PPP2R2C: variants seen among roughly 807,000 people sequenced by gnomAD.
The protein encoded by PPP2R2C is protein phosphatase 2 regulatory subunit Bgamma, also known as protein phosphatase 2, regulatory subunit B, gamma.
Under a neutral mutation model 45.3 loss-of-function variants are expected in PPP2R2C, and 10 were observed. The observed-to-expected ratio is 0.22, with a 90% confidence interval of 0.14 to 0.37. The LOEUF (loss-of-function observed/expected upper bound fraction) is 0.37, where lower values mean the gene tolerates loss of function less well. Among genes scored for constraint, PPP2R2C ranks in the 10% least tolerant of loss-of-function variants. PPP2R2C has a pLI of 1.00. For missense variants in PPP2R2C, 308 were observed against 619.7 expected (o/e 0.50, Z 5.34); for synonymous variants, 257 against 245.4 (o/e 1.05, Z -0.44).
At chr4:6,521,826 C>T (rs1560600775) in intron 2 of PPP2R2C, among the ~76,000 whole-genome samples, 1 of 152,190 alleles carries the variant, frequency 6.6e-6, no homozygotes, top group East Asian at 1.9e-4. Flanking sequence ...TATTGCTACC[C>T]TCATATTACA....
At chr4:6,540,507 G>A (rs1175032848) in intron 1 of PPP2R2C, among the ~76,000 whole-genome samples, 1 of 152,168 alleles carries the variant, frequency 6.6e-6, no homozygotes, top group Non-Finnish European at 1.5e-5. Context: ...TTCATTTTTG[G>A]CTACTATGAA....
intron 2 of PPP2R2C, among the ~76,000 whole-genome samples, chr4:6,532,488 T>C (rs1005445450): frequency 6.6e-6 from 1 of 152,184 alleles, no homozygotes; most frequent in Non-Finnish European, 1.5e-5. Flanking sequence ...GCAGAACTCA[T>C]GGGCAGCAGC....
intron 2 of PPP2R2C, among the ~76,000 whole-genome samples, chr4:6,504,425 T>C (rs1723155565): frequency 6.6e-6 from 1 of 151,572 alleles, no homozygotes; most frequent in African/African-American, 2.4e-5. Flanking sequence ...AAATCAAAAT[T>C]AATTGATGTA....
At chr4:6,448,489 A>C (rs1577190756) in intron 1 of PPP2R2C, among the ~76,000 whole-genome samples, 1 of 152,100 alleles carries the variant, frequency 6.6e-6, no homozygotes, top group Admixed American at 6.5e-5. Context: ...AGCGGCTCCC[A>C]GGCAGACCCT....
intron 6 of PPP2R2C, among the ~76,000 whole-genome samples, chr4:6,338,766 G>T (rs938145352): frequency 6.6e-6 from 1 of 152,088 alleles, no homozygotes; most frequent in Non-Finnish European, 1.5e-5. Flanking sequence ...CTGGGGGTGG[G>T]TGTCTCCTCA....
At chr4:6,359,546 G>A (rs935638559) in intron 5 of PPP2R2C, among the ~76,000 whole-genome samples, 2 of 151,210 alleles carry the variant, frequency 1.3e-5, no homozygotes, top group African/African-American at 4.9e-5. Context: ...AATATTTCGG[G>A]TATATTTAGT....
At chr4:6,455,781 C>A (rs781655742) in intron 1 of PPP2R2C, among the ~76,000 whole-genome samples, 1 of 152,222 alleles carries the variant, frequency 6.6e-6, no homozygotes, top group Non-Finnish European at 1.5e-5. Flanking sequence ...ACCCTGAACA[C>A]ACCACGCCGT....
intron 1 of PPP2R2C, chr4:6,413,895 C>G (rs1303802267): frequency 6.5e-7 from 1 of 1,536,130 alleles, no homozygotes; most frequent in South Asian, 1.2e-5. Context: ...CCCACAGCCC[C>G]TGCTCACCCG....
At position 6,329,698 on chromosome 4, in the gene PPP2R2C, A is replaced by T; in HGVS notation, c.961-345T>A. On this transcript the variant is annotated intron_variant, in intron 7 of 8. Coordinates refer to ENST00000382599, the MANE Select transcript of PPP2R2C (RefSeq NM_020416.4). This position sits in a 1 kb window ranked among gnomAD's most constrained non-coding sequence, Gnocchi z 5.8. ...TCTTATCGGGGGCCCACGACCAGGC[A>T]CACGGCTGACCTCTGAGCTGTGGCC... is the stretch of plus-strand genomic sequence containing the variant. 6.6e-6 allele frequency among the ~76,000 whole-genome samples: 1 copy of T among 151,846 alleles called. No homozygotes were observed. Among genetic ancestry groups the T allele is most frequent in the African/African-American group, 2.4e-5 (1 of 41,210 alleles).
At chr4:6,407,379 A>G (rs1414142426) in intron 1 of PPP2R2C, among the ~76,000 whole-genome samples, 4 of 152,152 alleles carry the variant, frequency 2.6e-5, no homozygotes. Flanking sequence ...ATTTATTGCT[A>G]GAAACCCAAC....
chr4:6,414,390 C>T (rs371878765), intron 1 of PPP2R2C, among the ~76,000 whole-genome samples: 1 of 152,076 alleles, frequency 6.6e-6, no homozygotes, highest in South Asian at 2.1e-4. Context: ...AAAGAGCTTT[C>T]CCATTTGCAG....
Position 6,324,986 on chromosome 4 carries a change from G to A in PPP2R2C, c.1053-1393C>T, listed in dbSNP as rs2109148143. On this transcript the variant is annotated intron_variant, in intron 8 of 8. Transcript: ENST00000382599. This position sits in a 1 kb window ranked among gnomAD's most constrained non-coding sequence, Gnocchi z 4.1. ...GAAATCCTGTTTCCTTTTGGAAGCTGAGCTGGGCTTCCTGAGGGTGACACT... is the reference window on the plus strand; with the variant it reads ...GAAATCCTGTTTCCTTTTGGAAGCTAAGCTGGGCTTCCTGAGGGTGACACT... Among the ~76,000 whole-genome samples, 1 of 152,314 alleles carries A rather than the reference G, an allele frequency of 6.6e-6. No individual in the cohort carries two copies. The highest frequency in any genetic ancestry group is 3.4e-3 in the Middle Eastern group (1 of 294).
intron 1 of PPP2R2C, among the ~76,000 whole-genome samples, chr4:6,397,250 C>A (rs1255469418): frequency 1.3e-5 from 2 of 152,226 alleles, no homozygotes; most frequent in African/African-American, 4.8e-5. Flanking sequence ...CAGCAGAGAC[C>A]AGGACAGGGA....
At chr4:6,425,017 G>A (rs1300049144) in intron 1 of PPP2R2C, among the ~76,000 whole-genome samples, 3 of 152,212 alleles carry the variant, frequency 2.0e-5, no homozygotes, top group Non-Finnish European at 4.4e-5. Flanking sequence ...AAGAATGCCT[G>A]AGTGGTGTGG....
chr4:6,423,207 TTTTG>T (rs570061862), intron 1 of PPP2R2C, among the ~76,000 whole-genome samples: 8 of 152,134 alleles, frequency 5.3e-5, no homozygotes, highest in Non-Finnish European at 1.0e-4. Context: ...TGTTTTAGTT[TTTTG>T]TTTGTTTGTT....
intron 1 of PPP2R2C, among the ~76,000 whole-genome samples, chr4:6,559,832 G>A (rs1432816692): frequency 6.6e-6 from 1 of 152,230 alleles, no homozygotes; most frequent in Admixed American, 6.5e-5. Flanking sequence ...CCAGAACGGT[G>A]AGAAATAAAC....
chr4:6,388,577 G>A (rs115413068), intron 1 of PPP2R2C, among the ~76,000 whole-genome samples: 7 of 152,282 alleles, frequency 4.6e-5, no homozygotes, highest in Non-Finnish European at 7.3e-5. Context: ...GCCATGGGGA[G>A]ACAGAGGCAG....
intron 2 of PPP2R2C, among the ~76,000 whole-genome samples, chr4:6,534,882 C>T (rs1724550291): frequency 6.6e-6 from 1 of 152,264 alleles, no homozygotes; most frequent in Admixed American, 6.5e-5. Flanking sequence ...TTGCCCACTG[C>T]TGCGACCCCA....
chr4:6,383,503 C>T (rs1716004929), intron 1 of PPP2R2C: 2 of 1,112,956 alleles, frequency 1.8e-6, no homozygotes, highest in East Asian at 5.9e-5. Context: ...CCTGCTGTCC[C>T]AAGACCTGCT....
Sources: gnomAD v4.1 joint callset for allele counts (sites outside exome capture counted in the v4.1 genomes callset) on GRCh38, gnomAD v4.1.1 for gene constraint, Gnocchi (gnomAD v3.1) non-coding constraint, MANE v1.5 for transcripts, NCBI Gene and HGNC (gene_info 2026-07-23, HGNC 2026-07-21) for gene names.